VWA8: variants seen among roughly 807,000 people sequenced by gnomAD.
VWA8 encodes the protein von Willebrand factor A domain containing 8.
VWA8 carries 221 observed loss-of-function variants against 241.5 expected under a neutral mutation model. The ratio of observed to expected loss-of-function variants is 0.91; its 90% CI spans 0.82 to 1.02. VWA8 has a LOEUF of 1.02. VWA8 is among the 50% of genes least tolerant of loss of function. The pLI is 0.00. For missense variants in VWA8, 2,322 were observed against 2,328.7 expected, an observed-to-expected ratio of 1.00 and a Z score of 0.06; for synonymous variants, 852 against 827.1, an observed-to-expected ratio of 1.03 and a Z score of -0.52.
chr13:41,864,286 C>A (rs1027967057), intron 12 of VWA8, among the ~76,000 whole-genome samples: 2 of 152,084 alleles, frequency 1.3e-5, no homozygotes, highest in Non-Finnish European at 2.9e-5. Context: ...CGCAGAATTA[C>A]CATATGATCC....
chr13:41,687,450 G>T (rs945526374), intron 34 of VWA8, among the ~76,000 whole-genome samples: 3 of 152,094 alleles, frequency 2.0e-5, no homozygotes, highest in African/African-American at 7.2e-5. Flanking sequence ...TTAATAAGAG[G>T]TAGCATACTC....
At chr13:41,945,960 C>G (rs1877829902) in intron 2 of VWA8, among the ~76,000 whole-genome samples, 1 of 152,068 alleles carries the variant, frequency 6.6e-6, no homozygotes, top group African/African-American at 2.4e-5. Context: ...GAAATCTGCA[C>G]TTAGACACAT....
chr13:41,634,731 T>G (rs2044746482), intron 37 of VWA8, among the ~76,000 whole-genome samples: 2 of 152,050 alleles, frequency 1.3e-5, no homozygotes, highest in Non-Finnish European at 1.5e-5. Flanking sequence ...GACTAAATTA[T>G]TTCTAGCTCT....
In VWA8 at chr13:41,574,251, C is replaced by G. The variant is rs563963714; in HGVS notation, c.5370+1489G>C. Among the ~76,000 whole-genome samples the G allele has an allele frequency of 1.4e-4, 21 of 150,008 alleles. No homozygotes were observed. In the East Asian group the frequency reaches 1.6e-3, roughly 11 times the overall value. On this transcript the variant is annotated intron_variant, in intron 43 of 44. Coordinates refer to ENST00000379310, the MANE Select transcript of VWA8 (RefSeq NM_015058.2). ...TCTCAGGTTACAAAATCAATATACT[C>G]AAATCAGTAACACTGCTATATGCCA... is the stretch of plus-strand genomic sequence containing the variant.
intron 18 of VWA8, among the ~76,000 whole-genome samples, chr13:41,785,979 T>C (rs1869172372): frequency 6.6e-6 from 1 of 152,128 alleles, no homozygotes; most frequent in Non-Finnish European, 1.5e-5. Context: ...ACTCATCCAA[T>C]GTTTATTGTT....
intron 24 of VWA8, among the ~76,000 whole-genome samples, chr13:41,724,430 A>AAGGAGAGGGAAGCTGCTGATAC (rs2045416263): frequency 6.6e-6 from 1 of 152,118 alleles, no homozygotes; most frequent in East Asian, 1.9e-4. Context: ...GGAATAATGT[A>AAGGAGAGGGAAGCTGCTGATAC]AGGAGAGGGA....
intron 2 of VWA8, among the ~76,000 whole-genome samples, chr13:41,935,208 C>T (rs1320845562): frequency 6.6e-6 from 1 of 152,096 alleles, no homozygotes; most frequent in Non-Finnish European, 1.5e-5. Context: ...AATTTAATAT[C>T]CAAAGTTCAA....
Position 41,572,927 on chromosome 13 carries a change from G to GC in VWA8, c.5371-2222_5371-2221insG, listed in dbSNP as rs1162608326. On this transcript the variant is annotated intron_variant, in intron 43 of 44. Transcript: ENST00000379310. ...GTTCGAGACCGGCCTGGCCGGCATG[G>GC]TGGAACCCTGTCTCTACTAAAAATA... Among the ~76,000 whole-genome samples, 1,063 of 150,412 alleles carry GC rather than the reference G, an allele frequency of 7.1e-3. 16 individuals are homozygous for GC. Among genetic ancestry groups the GC allele is most frequent in the African/African-American group, 0.025 (1,002 of 40,584 alleles).
intron 26 of VWA8, among the ~76,000 whole-genome samples, chr13:41,716,622 T>C (rs1031940854): frequency 6.6e-6 from 1 of 152,016 alleles, no homozygotes; most frequent in Non-Finnish European, 1.5e-5. Context: ...GCCAATTATC[T>C]TTCCATCCCC....
At chr13:41,945,152 C>T (rs973474117) in intron 2 of VWA8, among the ~76,000 whole-genome samples, 4 of 152,178 alleles carry the variant, frequency 2.6e-5, no homozygotes, top group Non-Finnish European at 4.4e-5. Context: ...CACAGACTCT[C>T]AGCAAAAGCC....
intron 21 of VWA8, among the ~76,000 whole-genome samples, chr13:41,739,556 G>T (rs1593734017): frequency 6.6e-6 from 1 of 152,108 alleles, no homozygotes; most frequent in East Asian, 1.9e-4. Flanking sequence ...AATTCCCAAT[G>T]CTCTAGCTTT....
chr13:41,730,298 A>C (rs1274809198), intron 22 of VWA8, among the ~76,000 whole-genome samples: 1 of 152,050 alleles, frequency 6.6e-6, no homozygotes, highest in Non-Finnish European at 1.5e-5. Flanking sequence ...CTGGGTGTCT[A>C]CCACTAAGGG....
At chr13:41,916,115 A>T (rs1387385283) in intron 2 of VWA8, among the ~76,000 whole-genome samples, 1 of 152,230 alleles carries the variant, frequency 6.6e-6, no homozygotes, top group Non-Finnish European at 1.5e-5. Context: ...TATAATAGAT[A>T]CAATTGTACT....
intron 12 of VWA8, among the ~76,000 whole-genome samples, chr13:41,852,061 A>C (rs1872549970): frequency 6.6e-6 from 1 of 152,084 alleles, no homozygotes; most frequent in Non-Finnish European, 1.5e-5. Flanking sequence ...ACGTACAAGC[A>C]TTTCTTCTCC....
intron 39 of VWA8, among the ~76,000 whole-genome samples, chr13:41,605,832 A>G (rs1402708735): frequency 2.0e-5 from 3 of 152,162 alleles, no homozygotes; most frequent in African/African-American, 7.2e-5. Context: ...GTTTTCTAAA[A>G]TTGCTGACAG....
chr13:41,871,274 T>C (rs935837452), intron 9 of VWA8, among the ~76,000 whole-genome samples: 2 of 152,226 alleles, frequency 1.3e-5, no homozygotes, highest in African/African-American at 4.8e-5. Context: ...TGAATTTCAA[T>C]TAAACAGTAT....
Position 41,685,077 on chromosome 13 carries a change from C to G in VWA8, c.4297G>C (p.Glu1433Gln), listed in dbSNP as rs766716447. The G allele has an allele frequency of 6.2e-6, 10 of 1,613,448 alleles. No individual in the cohort carries two copies. The highest frequency in any genetic ancestry group is 8.5e-6 in the Non-Finnish European group (10 of 1,179,660). The part of the protein sequence containing the change: ...NQVVRILPPG[E>Q]VPLKDIYPKD... ...GGGTAGATATCTTTTAGAGGGACTTCTCCTGGGGGTAAAATCCTCACTACC... is the reference window on the plus strand; with the variant it reads ...GGGTAGATATCTTTTAGAGGGACTTGTCCTGGGGGTAAAATCCTCACTACC... Residue 1433 changes from glutamate (E) to glutamine (Q), a missense_variant, in exon 35 of 45, where the codon GAA becomes CAA. Coordinates refer to ENST00000379310, the MANE Select transcript of VWA8 (RefSeq NM_015058.2).
At chr13:41,803,644 C>A (rs1274134772) in intron 17 of VWA8, among the ~76,000 whole-genome samples, 1 of 152,182 alleles carries the variant, frequency 6.6e-6, no homozygotes, top group Non-Finnish European at 1.5e-5. Flanking sequence ...TTATCTCCTA[C>A]CAGGTCTCTC....
At chr13:41,735,816 T>C (rs1283685013) in intron 21 of VWA8, among the ~76,000 whole-genome samples, 2 of 152,136 alleles carry the variant, frequency 1.3e-5, no homozygotes, top group Non-Finnish European at 2.9e-5. Flanking sequence ...AGTAATAAGG[T>C]GACTACTGTT....
Sources: gnomAD v4.1 joint callset for allele counts (sites outside exome capture counted in the v4.1 genomes callset) on GRCh38, gnomAD v4.1.1 for gene constraint, MANE v1.5 for transcripts, NCBI Gene and HGNC (gene_info 2026-07-23, HGNC 2026-07-21) for gene names.